ADAMTSL1: variants seen among roughly 807,000 people sequenced by gnomAD.
The protein encoded by ADAMTSL1 is ADAMTS-like protein 1.
ADAMTSL1 carries 126 observed loss-of-function variants against 201.8 expected under a neutral mutation model. The observed-to-expected ratio is 0.62, with a 90% CI of 0.54 to 0.72. The LOEUF is 0.72. Among genes scored for constraint, ADAMTSL1 ranks in the 30% least tolerant of loss-of-function variants. ADAMTSL1 has a pLI of 0.00. For missense variants in ADAMTSL1, 2,679 were observed against 2,277.8 expected (o/e 1.18, Z -3.59); for synonymous variants, 1,121 against 903.4 (o/e 1.24, Z -4.32).
chr9:18,383,970 G>T (rs147544994), intron 2 of ADAMTSL1, among the ~76,000 whole-genome samples: 248 of 152,228 alleles, frequency 1.6e-3, no homozygotes, highest in Admixed American at 3.3e-3. Context: ...AGGCTGCCAG[G>T]TAATGGTGAT....
chr9:18,357,133 T>A (rs537749010), intron 2 of ADAMTSL1, among the ~76,000 whole-genome samples: 13 of 152,280 alleles, frequency 8.5e-5, no homozygotes, highest in African/African-American at 3.1e-4. Context: ...ATTGGATGCC[T>A]GAAATGTGTA....
chr9:18,133,757 T>C (rs1255055707), intron 1 of ADAMTSL1, among the ~76,000 whole-genome samples: 2 of 152,152 alleles, frequency 1.3e-5, no homozygotes, highest in Admixed American at 6.6e-5. Context: ...TGTGTATGTA[T>C]ATATTTACAC....
At chr9:18,510,767 A>G (rs1244393697) in intron 2 of ADAMTSL1, among the ~76,000 whole-genome samples, 1 of 152,020 alleles carries the variant, frequency 6.6e-6, no homozygotes, top group African/African-American at 2.4e-5. Flanking sequence ...TTCATTAATT[A>G]GAAAAGAGAC....
At chr9:18,883,304 T>A (rs1828653012) in intron 23 of ADAMTSL1, among the ~76,000 whole-genome samples, 2 of 152,168 alleles carry the variant, frequency 1.3e-5, no homozygotes, top group South Asian at 4.1e-4. Context: ...CTTGGGATCA[T>A]CAGGCCAGTC....
At chr9:18,419,375 A>C (rs1818835383) in intron 2 of ADAMTSL1, among the ~76,000 whole-genome samples, 1 of 142,182 alleles carries the variant, frequency 7.0e-6, no homozygotes, top group Admixed American at 7.3e-5. Context: ...AATTGGACTT[A>C]ATTGAACTAT....
At chr9:18,294,221 A>G (rs1302129368) in intron 2 of ADAMTSL1, among the ~76,000 whole-genome samples, 2 of 152,320 alleles carry the variant, frequency 1.3e-5, no homozygotes, top group African/African-American at 4.8e-5. Context: ...TTCAAAAAGA[A>G]TCCACTTTAT....
chr9:18,171,817 T>C (rs201125437), intron 2 of ADAMTSL1, among the ~76,000 whole-genome samples: 1 of 152,114 alleles, frequency 6.6e-6, no homozygotes, highest in Non-Finnish European at 1.5e-5. Context: ...TTTTAGGTCT[T>C]ACGTTTAAGT....
intron 2 of ADAMTSL1, among the ~76,000 whole-genome samples, chr9:18,312,736 C>G (rs1834204612): frequency 6.6e-6 from 1 of 152,190 alleles, no homozygotes; most frequent in South Asian, 2.1e-4. Flanking sequence ...ACCCCAGCCT[C>G]TCTGACTGTC....
chr9:18,117,600 ATTG>A (rs1587089509), intron 1 of ADAMTSL1, among the ~76,000 whole-genome samples: 2 of 152,146 alleles, frequency 1.3e-5, no homozygotes, highest in East Asian at 3.9e-4. Flanking sequence ...ACCTCTTCCC[ATTG>A]TTGTTTCCCA....
intron 4 of ADAMTSL1, among the ~76,000 whole-genome samples, chr9:18,606,349 T>G (rs1265140164): frequency 6.6e-6 from 1 of 152,144 alleles, no homozygotes; most frequent in African/African-American, 2.4e-5. Flanking sequence ...ATATCTTTGT[T>G]TTTTGAGTGC....
intron 2 of ADAMTSL1, among the ~76,000 whole-genome samples, chr9:18,397,949 G>A (rs1029411031): frequency 6.6e-6 from 1 of 152,114 alleles, no homozygotes; most frequent in Non-Finnish European, 1.5e-5. Flanking sequence ...AGAGGCTAAT[G>A]CCCATAATGA....
At chr9:18,747,156 A>C (rs1819193622) in intron 15 of ADAMTSL1, among the ~76,000 whole-genome samples, 1 of 152,148 alleles carries the variant, frequency 6.6e-6, no homozygotes. Context: ...TAATATAATA[A>C]TTAGGCATGC....
intron 23 of ADAMTSL1, among the ~76,000 whole-genome samples, chr9:18,840,116 T>A (rs1328295359): frequency 6.8e-6 from 1 of 147,996 alleles, no homozygotes; most frequent in Admixed American, 6.8e-5. Flanking sequence ...TGCCCATGCC[T>A]ATGTCCTGAA....
At chr9:18,656,613 AGCAAGACTCCATC>A (rs1375317869) in intron 7 of ADAMTSL1, among the ~76,000 whole-genome samples, 1 of 139,934 alleles carries the variant, frequency 7.1e-6, no homozygotes, top group African/African-American at 2.7e-5. Flanking sequence ...TGAGCAACAG[AGCAAGACTCCATC>A]GCAAAAAAAA....
chr9:18,514,867 A>C (rs1176013141), intron 2 of ADAMTSL1, among the ~76,000 whole-genome samples: 2 of 152,084 alleles, frequency 1.3e-5, no homozygotes, highest in Non-Finnish European at 2.9e-5. Flanking sequence ...CTTGTTCCTG[A>C]TATTAGAGGA....
chr9:18,204,661 T>C (rs760220960), intron 2 of ADAMTSL1, among the ~76,000 whole-genome samples: 4 of 152,074 alleles, frequency 2.6e-5, no homozygotes, highest in Admixed American at 6.5e-5. Context: ...GTTCCTTCAA[T>C]CATCTGAAGA....
At chr9:18,400,759 G>A (rs2809860) in intron 2 of ADAMTSL1, among the ~76,000 whole-genome samples, 48,610 of 151,850 alleles carry the variant, frequency 0.32, 8,119 homozygotes, top group African/African-American at 0.4. Flanking sequence ...CATTATTCAC[G>A]TATTTCTGAT....
At position 18,908,764 on chromosome 9, in the gene ADAMTSL1, G is replaced by T. The variant is rs1311763456; in HGVS notation, c.*216G>T. The T allele has an allele frequency of 4.4e-5, 22 of 505,650 alleles. No homozygotes were observed. In the Admixed American group the frequency reaches 5.4e-4, roughly 12 times the overall value. 31.3% of individuals were successfully genotyped at this position (505,650 alleles called of 1,614,324 possible). A position where few individuals can be genotyped will look rare whatever the true frequency, so the allele number is the denominator to read the frequency against. On this transcript the variant is annotated 3_prime_UTR_variant, in exon 29 of 29. Coordinates refer to ENST00000380548, the MANE Select transcript of ADAMTSL1 (RefSeq NM_001040272.6). ...GAGGACAGGATGTTGGGAAAGGAAA[G>T]GACAGATGTCTAAAGGAGGTTGCAG... is the stretch of plus-strand genomic sequence containing the variant.
At chr9:18,622,423 G>A (rs1192725128) in intron 5 of ADAMTSL1, 54 bp downstream of exon 5, 1 of 1,612,972 alleles carries the variant, frequency 6.2e-7, no homozygotes, top group Non-Finnish European at 8.5e-7. Context: ...TCCTCTCCTG[G>A]CTTAGGTCTG....
Sources: gnomAD v4.1 joint callset for allele counts (sites outside exome capture counted in the v4.1 genomes callset) on GRCh38, gnomAD v4.1.1 for gene constraint, MANE v1.5 for transcripts, NCBI Gene and HGNC (gene_info 2026-07-23, HGNC 2026-07-21) for gene names.